CADM1: variants seen among roughly 807,000 people sequenced by gnomAD.
CADM1 encodes the protein cell adhesion molecule 1, also known as TSLC-1.
Under a neutral mutation model 53.1 loss-of-function variants are expected in CADM1, and 15 were observed. That is an observed-to-expected ratio of 0.28 (90% CI 0.19 to 0.44). The LOEUF (loss-of-function observed/expected upper bound fraction) is 0.44. Ranked by LOEUF, CADM1 falls within the 20% of genes least tolerant of loss-of-function variation. The pLI, the probability that CADM1 is intolerant of heterozygous loss-of-function variation, is 1.00. For synonymous variants in CADM1, 281 were observed against 243.0 expected (o/e 1.16, Z -1.45); for missense variants, 434 against 611.3 (o/e 0.71, Z 3.06).
At chr11:115,487,155 A>G (rs1361869776) in intron 1 of CADM1, among the ~76,000 whole-genome samples, 1 of 152,184 alleles carries the variant, frequency 6.6e-6, no homozygotes, top group African/African-American at 2.4e-5. Context: ...TGGTTTTTAA[A>G]CCATTTTTTA....
chr11:115,434,216 T>C (rs781535460), intron 1 of CADM1, among the ~76,000 whole-genome samples: 2 of 152,196 alleles, frequency 1.3e-5, no homozygotes, highest in Non-Finnish European at 2.9e-5. Flanking sequence ...CACTCCTCTT[T>C]GGTTCCCAAA....
intron 1 of CADM1, among the ~76,000 whole-genome samples, chr11:115,415,823 CAAAAAAAAAAAAAAAAA>C (rs71066426): frequency 4.6e-5 from 2 of 43,660 alleles, no homozygotes; most frequent in Non-Finnish European, 7.0e-5. Flanking sequence ...AGACTGTCTC[CAAAAAAAAAAAAAAAAA>C]AAAAAAAAAA....
chr11:115,415,547 C>T (rs1207197726), intron 1 of CADM1, among the ~76,000 whole-genome samples: 1 of 151,974 alleles, frequency 6.6e-6, no homozygotes, highest in South Asian at 2.1e-4. Flanking sequence ...TTTAAAAAGA[C>T]TGATTCTGGA....
chr11:115,284,264 T>A (rs146034885), intron 1 of CADM1, among the ~76,000 whole-genome samples: 5 of 151,924 alleles, frequency 3.3e-5, no homozygotes, highest in Non-Finnish European at 5.9e-5. Flanking sequence ...CTAGAGATGA[T>A]CCAGTATTAC....
At chr11:115,411,273 T>G (rs572874361) in intron 1 of CADM1, among the ~76,000 whole-genome samples, 1 of 152,208 alleles carries the variant, frequency 6.6e-6, no homozygotes, top group Non-Finnish European at 1.5e-5. Context: ...ACAAACTGTT[T>G]GTGTCAAGAA....
intron 1 of CADM1, among the ~76,000 whole-genome samples, chr11:115,251,516 T>C (rs1037324892): frequency 2.0e-5 from 3 of 152,106 alleles, no homozygotes; most frequent in African/African-American, 7.2e-5. Context: ...GTGTGTGTAA[T>C]ATGGTTTGTT....
intron 1 of CADM1, among the ~76,000 whole-genome samples, chr11:115,430,149 A>C (rs1471813171): frequency 2.6e-5 from 4 of 152,240 alleles, no homozygotes; most frequent in African/African-American, 9.6e-5. Flanking sequence ...ATTTAGAAAG[A>C]GGAGAAGATA....
intron 1 of CADM1, among the ~76,000 whole-genome samples, chr11:115,448,587 T>C (rs953986204): frequency 2.0e-5 from 3 of 146,858 alleles, no homozygotes; most frequent in Admixed American, 1.4e-4. Context: ...ACTCATAAAC[T>C]GCAATATTTT....
chr11:115,343,295 G>A (rs1461521310), intron 1 of CADM1, among the ~76,000 whole-genome samples: 1 of 152,126 alleles, frequency 6.6e-6, no homozygotes, highest in Non-Finnish European at 1.5e-5. Flanking sequence ...TATAGAGCTT[G>A]CCATGTGCCA....
At chr11:115,338,126 G>C (rs1467490395) in intron 1 of CADM1, among the ~76,000 whole-genome samples, 1 of 152,158 alleles carries the variant, frequency 6.6e-6, no homozygotes, top group Non-Finnish European at 1.5e-5. Context: ...GAAAGAGGAG[G>C]AGGAGGAGAA....
intron 1 of CADM1, among the ~76,000 whole-genome samples, chr11:115,285,851 C>T (rs919823419): frequency 5.9e-5 from 9 of 152,062 alleles, no homozygotes; most frequent in Admixed American, 3.3e-4. Flanking sequence ...AGCATGAATC[C>T]CCGGTGCCCC....
intron 7 of CADM1, among the ~76,000 whole-genome samples, chr11:115,210,098 C>T (rs1187783382): frequency 6.6e-6 from 1 of 152,172 alleles, no homozygotes; most frequent in Non-Finnish European, 1.5e-5. Context: ...TGAGCGTGCC[C>T]CTGCACACTT....
rs139003512 is a variant in CADM1, at chr11:115,469,164, A to C, written c.124+35107T>G. 3.3e-3 allele frequency among the ~76,000 whole-genome samples: 500 copies of C among 152,298 alleles called. 5 individuals carry two copies. Among genetic ancestry groups the C allele is most frequent in the African/African-American group, 0.012 (490 of 41,568 alleles). On this transcript the variant is annotated intron_variant, in intron 1 of 11. Transcript: ENST00000331581. ...ATTCTGCACTATTGAACTCTTATAG[A>C]AGCTCTGATTTCTACTTCTCTAATT...
intron 1 of CADM1, among the ~76,000 whole-genome samples, chr11:115,417,856 C>A (rs1343107690): frequency 6.6e-6 from 1 of 152,208 alleles, no homozygotes; most frequent in Non-Finnish European, 1.5e-5. Flanking sequence ...TACTGCAGAT[C>A]ATGCCTGATA....
chr11:115,387,415 G>T (rs568472712), intron 1 of CADM1, among the ~76,000 whole-genome samples: 1 of 152,028 alleles, frequency 6.6e-6, no homozygotes. Flanking sequence ...GGAAAATGAA[G>T]CAAAGGGAAA....
In CADM1 at chr11:115,251,603, C is replaced by G. The variant is rs142491278; in HGVS notation, c.125-11183G>C. On this transcript the variant is annotated intron_variant, in intron 1 of 11. Transcript: ENST00000331581. ...CATTCAGCTTATCCACATCTCCTAC[C>G]AGGAAGCCAAGCAGCTTTGAACTAT... Among the ~76,000 whole-genome samples the G allele has an allele frequency of 7.2e-3, 1,100 of 152,230 alleles. 9 individuals are homozygous for G. Among genetic ancestry groups the G allele is most frequent in the African/African-American group, 0.024 (996 of 41,532 alleles).
chr11:115,210,305 G>A (rs1940899459), intron 7 of CADM1, among the ~76,000 whole-genome samples: 1 of 152,136 alleles, frequency 6.6e-6, no homozygotes, highest in African/African-American at 2.4e-5. Flanking sequence ...TTAATAAGTT[G>A]CCTTTGCTCA....
chr11:115,223,767 A>C (rs898766359), intron 5 of CADM1, among the ~76,000 whole-genome samples: 2 of 152,172 alleles, frequency 1.3e-5, no homozygotes, highest in African/African-American at 4.8e-5. Flanking sequence ...AATATCAGGA[A>C]CTTGGAACCA....
chr11:115,485,178 C>T (rs568609783), intron 1 of CADM1, among the ~76,000 whole-genome samples: 16 of 152,132 alleles, frequency 1.1e-4, no homozygotes, highest in Non-Finnish European at 2.1e-4. Flanking sequence ...CTGGTACTGA[C>T]TCCCTCCTTC....
Sources: gnomAD v4.1 joint callset for allele counts (sites outside exome capture counted in the v4.1 genomes callset) on GRCh38, gnomAD v4.1.1 for gene constraint, MANE v1.5 for transcripts, NCBI Gene and HGNC (gene_info 2026-07-23, HGNC 2026-07-21) for gene names.